NKAIN2: variants seen among roughly 807,000 people sequenced by gnomAD.
NKAIN2 encodes sodium/potassium transporting ATPase interacting 2.
Under a neutral mutation model 32.6 loss-of-function variants are expected in NKAIN2, and 14 were observed. The ratio of observed to expected loss-of-function variants is 0.43; its 90% CI spans 0.28 to 0.67. The LOEUF (loss-of-function observed/expected upper bound fraction) is 0.67, where lower values mean the gene tolerates loss of function less well. Ranked by LOEUF, NKAIN2 falls within the 30% of genes least tolerant of loss-of-function variation. NKAIN2 has a pLI of 0.17. For synonymous variants in NKAIN2, 80 were observed against 87.2 expected, an observed-to-expected ratio of 0.92 and a Z score of 0.46; for missense variants, 198 against 258.3, an observed-to-expected ratio of 0.77 and a Z score of 1.60.
intron 1 of NKAIN2, among the ~76,000 whole-genome samples, chr6:123,975,822 A>G (rs1465568775): frequency 1.3e-5 from 2 of 151,932 alleles, no homozygotes; most frequent in Non-Finnish European, 2.9e-5. Context: ...ATCAATAATC[A>G]GGTTTCAGCA....
chr6:124,316,513 C>T (rs764932062), intron 2 of NKAIN2, among the ~76,000 whole-genome samples: 7 of 152,058 alleles, frequency 4.6e-5, no homozygotes, highest in Non-Finnish European at 7.4e-5. Context: ...AGTTTATACA[C>T]TGAGTGTCCA....
rs546690700 is a variant in NKAIN2, at chr6:124,092,692, A to G, written c.55-190313A>G. On this transcript the variant is annotated intron_variant, in intron 1 of 6. Coordinates refer to ENST00000368417, the MANE Select transcript of NKAIN2 (RefSeq NM_001040214.3). ...TAAGATGATATCTAAATTTCTTTCT[A>G]GCTCTCATATGTTTAGCCTATTTAT... Among the ~76,000 whole-genome samples, 40 of 152,018 alleles carry G rather than the reference A, an allele frequency of 2.6e-4. No individual in the cohort carries two copies. The East Asian group carries it at 7.4e-3, about 28-fold the overall frequency.
At chr6:124,651,525 C>T (rs1016404131) in intron 3 of NKAIN2, among the ~76,000 whole-genome samples, 3 of 152,166 alleles carry the variant, frequency 2.0e-5, no homozygotes, top group African/African-American at 4.8e-5. Context: ...GAACTTGGCA[C>T]GTCTGCAGAG....
At chr6:124,732,178 G>A (rs1266857743) in intron 4 of NKAIN2, among the ~76,000 whole-genome samples, 2 of 152,000 alleles carry the variant, frequency 1.3e-5, no homozygotes, top group Non-Finnish European at 2.9e-5. Context: ...TCAGAAAGAG[G>A]CTCCATCTTC....
chr6:124,096,604 T>C (rs1194989620), intron 1 of NKAIN2, among the ~76,000 whole-genome samples: 2 of 152,162 alleles, frequency 1.3e-5, no homozygotes, highest in African/African-American at 2.4e-5. Flanking sequence ...GGTGGGGCTA[T>C]AGATACCTTT....
At chr6:124,490,412 GTTTTT>G (rs3052658) in intron 3 of NKAIN2, 5 of 312,920 alleles carry the variant, frequency 1.6e-5, no homozygotes, top group African/African-American at 9.5e-5. Context: ...AATCATAGAG[GTTTTT>G]TTTTTTTTTT....
At chr6:124,734,477 T>G (rs949382704) in intron 4 of NKAIN2, among the ~76,000 whole-genome samples, 2 of 151,784 alleles carry the variant, frequency 1.3e-5, no homozygotes, top group Middle Eastern at 3.2e-3. Flanking sequence ...CCTAAATTCT[T>G]TATCATTACC....
intron 3 of NKAIN2, among the ~76,000 whole-genome samples, chr6:124,438,639 A>G (rs1219983687): frequency 6.6e-6 from 1 of 152,078 alleles, no homozygotes; most frequent in African/African-American, 2.4e-5. Context: ...ATATGTTCTC[A>G]CTGCTTAGCC....
Position 124,616,407 on chromosome 6 carries a change from A to AT in NKAIN2, c.274-41772dup, listed in dbSNP as rs1262807065. 2.0e-4 allele frequency among the ~76,000 whole-genome samples: 17 copies of AT among 82,966 alleles called. 1 individual carries two copies. The South Asian group carries it at 4.8e-3, about 24-fold the overall frequency. The allele number at this position is 82,966 out of a possible 152,430, so 54.4% of individuals were successfully genotyped here. ...ATACTACTTTTGTTTTGTTCTTATT[A>AT]TTTTTTTCTTTTTTCTTTTTCTTTT... is the stretch of plus-strand genomic sequence containing the variant. On this transcript the variant is annotated intron_variant, in intron 3 of 6. Transcript: ENST00000368417.
intron 1 of NKAIN2, among the ~76,000 whole-genome samples, chr6:124,031,357 C>G (rs1781395549): frequency 6.6e-6 from 1 of 152,060 alleles, no homozygotes; most frequent in African/African-American, 2.4e-5. Flanking sequence ...TTCAAAAAAC[C>G]AGCTCCAGGA....
intron 4 of NKAIN2, among the ~76,000 whole-genome samples, chr6:124,747,413 T>C (rs1416639838): frequency 6.6e-6 from 1 of 151,916 alleles, no homozygotes; most frequent in East Asian, 1.9e-4. Context: ...AATCAAGAAA[T>C]ATGTTAAGCC....
rs562290243 is a variant in NKAIN2 at position 124,079,210 on chromosome 6, C to T, written c.55-203795C>T. 3.3e-5 allele frequency among the ~76,000 whole-genome samples: 5 copies of T among 152,066 alleles called. No individual in the cohort carries two copies. In the South Asian group the frequency reaches 6.2e-4, roughly 19 times the overall value. On this transcript the variant is annotated intron_variant, in intron 1 of 6. Coordinates refer to ENST00000368417, the MANE Select transcript of NKAIN2 (RefSeq NM_001040214.3). ...GCACATGCCTGTAATCCCAGCTACT[C>T]GGGAGGCTGAGGCATGAGAATTGCT...
At chr6:124,822,336 T>C (rs1004876044) in intron 6 of NKAIN2, among the ~76,000 whole-genome samples, 3 of 152,180 alleles carry the variant, frequency 2.0e-5, no homozygotes, top group Admixed American at 2.0e-4. Flanking sequence ...ATATGTCTTG[T>C]AAAGTAAGAG....
chr6:124,437,992 G>T (rs544232832), intron 3 of NKAIN2: 2 of 403,838 alleles, frequency 5.0e-6, no homozygotes, highest in African/African-American at 4.3e-5. Flanking sequence ...AAATACAGAG[G>T]CATGTGGATA....
intron 1 of NKAIN2, among the ~76,000 whole-genome samples, chr6:123,912,966 C>G (rs1775298635): frequency 6.6e-6 from 1 of 152,086 alleles, no homozygotes; most frequent in South Asian, 2.1e-4. Flanking sequence ...TGTAGTATCC[C>G]TAAGGCGAAA....
chr6:124,242,155 A>C (rs1372064983), intron 1 of NKAIN2, among the ~76,000 whole-genome samples: 1 of 152,184 alleles, frequency 6.6e-6, no homozygotes, highest in Admixed American at 6.6e-5. Context: ...CCATCTGACA[A>C]AGAGCTAATA....
intron 3 of NKAIN2, among the ~76,000 whole-genome samples, chr6:124,474,910 TAC>T (rs1298151246): frequency 2.2e-3 from 321 of 147,162 alleles, no homozygotes; most frequent in African/African-American, 7.4e-3. Context: ...TCATATTATA[TAC>T]TATATATGTA....
intron 1 of NKAIN2, among the ~76,000 whole-genome samples, chr6:123,836,617 T>C (rs372079124): frequency 1.3e-5 from 2 of 149,506 alleles, no homozygotes; most frequent in Admixed American, 1.4e-4. Context: ...AAATGAAATA[T>C]GGTGTCCTGG....
At position 124,147,152 on chromosome 6, in the gene NKAIN2, C is replaced by T. The variant is rs1355882401; in HGVS notation, c.55-135853C>T. 2.6e-5 allele frequency among the ~76,000 whole-genome samples: 4 copies of T among 152,130 alleles called. 1 individual carries two copies. Among genetic ancestry groups the T allele is most frequent in the African/African-American group, 9.7e-5 (4 of 41,422 alleles). On this transcript the variant is annotated intron_variant, in intron 1 of 6. Transcript: ENST00000368417. ...TATTTTACCTCCTTTATTATGATAA[C>T]ACATTACCACAGCATGGGGCATGCT...
Sources: allele counts gnomAD v4.1 joint callset (sites outside exome capture counted in the v4.1 genomes callset), GRCh38; gene constraint gnomAD v4.1.1; transcripts MANE v1.5; gene names NCBI Gene and HGNC (gene_info 2026-07-23, HGNC 2026-07-21).